The following CSNK1G1 variants were observed in gnomAD, a reference collection of about 807,000 sequenced individuals.
The protein encoded by CSNK1G1 is casein kinase 1 gamma 1.
CSNK1G1 carries 22 observed loss-of-function variants against 59.6 expected under a neutral mutation model. That is an observed-to-expected ratio of 0.37 (90% CI 0.26 to 0.53). The LOEUF is 0.53. Among genes scored for constraint, CSNK1G1 ranks in the 20% least tolerant of loss-of-function variants. The probability of loss-of-function intolerance (pLI) is 0.89; values close to 1 mark genes in which losing one functional copy is unlikely to be tolerated. For missense variants in CSNK1G1, 384 were observed against 519.5 expected (o/e 0.74, Z 2.54); for synonymous variants, 179 against 177.1 (o/e 1.01, Z -0.08).
At chr15:64,263,402 T>C (rs1566924829) in intron 2 of CSNK1G1, among the ~76,000 whole-genome samples, 1 of 152,022 alleles carries the variant, frequency 6.6e-6, no homozygotes, top group Non-Finnish European at 1.5e-5. Flanking sequence ...TTGGCCAGGA[T>C]GGGCTCGATC....
At chr15:64,239,103 C>G (rs1166463813) in intron 4 of CSNK1G1, among the ~76,000 whole-genome samples, 1 of 152,188 alleles carries the variant, frequency 6.6e-6, no homozygotes, top group Non-Finnish European at 1.5e-5. Flanking sequence ...AGATTCATCA[C>G]ACTCTTCCCA....
chr15:64,215,204 CTTTTTTTTTTTTTTTT>C (rs11343127), intron 5 of CSNK1G1, among the ~76,000 whole-genome samples: 2 of 81,728 alleles, frequency 2.4e-5, no homozygotes, highest in South Asian at 1.2e-3. Context: ...TTTCTACTAA[CTTTTTTTTTTTTTTTT>C]TTTTTTTTTT....
chr15:64,344,033 T>C (rs1237893645), intron 1 of CSNK1G1, among the ~76,000 whole-genome samples: 1 of 151,950 alleles, frequency 6.6e-6, no homozygotes, highest in Non-Finnish European at 1.5e-5. Context: ...GCCCCTTCCT[T>C]CCCCAATAAA....
chr15:64,309,848 G>A (rs1244520388), intron 1 of CSNK1G1, among the ~76,000 whole-genome samples: 1 of 152,148 alleles, frequency 6.6e-6, no homozygotes, highest in Non-Finnish European at 1.5e-5. Flanking sequence ...GGTGGCTCAT[G>A]CCTATAATCC....
intron 2 of CSNK1G1, among the ~76,000 whole-genome samples, chr15:64,288,092 G>C (rs1894525043): frequency 6.6e-6 from 1 of 151,946 alleles, no homozygotes; most frequent in African/African-American, 2.4e-5. Flanking sequence ...TGTTGGACTT[G>C]AGGAAAAAAA....
At chr15:64,234,184 C>T (rs2082584981) in intron 4 of CSNK1G1, among the ~76,000 whole-genome samples, 2 of 152,126 alleles carry the variant, frequency 1.3e-5, no homozygotes, top group South Asian at 4.1e-4. Context: ...GACATTAGTG[C>T]TGCTCAGATA....
chr15:64,306,984 G>T (rs148072427), intron 1 of CSNK1G1, among the ~76,000 whole-genome samples: 3 of 126,288 alleles, frequency 2.4e-5, no homozygotes, highest in African/African-American at 8.6e-5. Flanking sequence ...TGGGTGGGGA[G>T]GGGGGCGGGT....
intron 1 of CSNK1G1, among the ~76,000 whole-genome samples, chr15:64,331,766 G>A (rs889948952): frequency 3.3e-5 from 5 of 149,318 alleles, no homozygotes; most frequent in East Asian, 4.0e-4. Context: ...GAAAATTTTC[G>A]CAACCTACTC....
In CSNK1G1 at chr15:64,210,589, G is replaced by GTT. The variant is rs1164251562; in HGVS notation, c.680-2997_680-2996dup. On this transcript the variant is annotated intron_variant, in intron 6 of 11. Transcript: ENST00000303052. The surrounding 1 kb of genome is among the most constrained non-coding windows in gnomAD (Gnocchi z 4.2). ...TCATCCAATCAGAAAGATGTGCTTG[G>GTT]TTTACATGCATAACATCCCTGATTT... is the stretch of plus-strand genomic sequence containing the variant. Among the ~76,000 whole-genome samples, 2 of 152,150 alleles carry GTT rather than the reference G, an allele frequency of 1.3e-5. No individual in the cohort carries two copies. The highest frequency in any genetic ancestry group is 6.5e-5 in the Admixed American group (1 of 15,278).
At chr15:64,334,012 C>T (rs1249082110) in intron 1 of CSNK1G1, among the ~76,000 whole-genome samples, 1 of 152,158 alleles carries the variant, frequency 6.6e-6, no homozygotes, top group Admixed American at 6.6e-5. Context: ...CTAGATAGAT[C>T]TTAGAGACAC....
chr15:64,191,501 T>C (rs1006487284), intron 10 of CSNK1G1, among the ~76,000 whole-genome samples: 3 of 152,356 alleles, frequency 2.0e-5, no homozygotes, highest in South Asian at 2.1e-4. Flanking sequence ...ATAAGAACTC[T>C]GGTTTTATGC....
chr15:64,201,802 A>G (rs569978410), intron 10 of CSNK1G1, among the ~76,000 whole-genome samples: 1 of 149,118 alleles, frequency 6.7e-6, no homozygotes, highest in Non-Finnish European at 1.5e-5. Flanking sequence ...CTATGAAATA[A>G]ATGTTTTTGT....
intron 4 of CSNK1G1, among the ~76,000 whole-genome samples, chr15:64,249,982 C>T (rs1176735890): frequency 6.6e-6 from 1 of 152,210 alleles, no homozygotes; most frequent in South Asian, 2.1e-4. Flanking sequence ...CTGGATTAAG[C>T]ATGTTGTTAC....
intron 1 of CSNK1G1, among the ~76,000 whole-genome samples, chr15:64,337,731 A>G (rs1217495378): frequency 2.6e-5 from 4 of 152,156 alleles, no homozygotes; most frequent in African/African-American, 7.2e-5. Context: ...ATTGTGTAAC[A>G]GTCTCCAGTA....
chr15:64,250,711 C>T (rs542593390), intron 4 of CSNK1G1, among the ~76,000 whole-genome samples: 2 of 152,052 alleles, frequency 1.3e-5, no homozygotes, highest in African/African-American at 4.8e-5. Flanking sequence ...TGCCACTGCA[C>T]TCCAGTCTGG....
At chr15:64,265,512 C>T (rs1178122083) in intron 2 of CSNK1G1, among the ~76,000 whole-genome samples, 3 of 152,156 alleles carry the variant, frequency 2.0e-5, no homozygotes, top group Admixed American at 2.0e-4. Flanking sequence ...TCCTCCTTTG[C>T]TTTCTGCCAT....
At chr15:64,255,855 A>C (rs1892346409) in intron 3 of CSNK1G1, among the ~76,000 whole-genome samples, 1 of 150,160 alleles carries the variant, frequency 6.7e-6, no homozygotes, top group Non-Finnish European at 1.5e-5. Context: ...TTCAGGCCAG[A>C]CTGGAATGTT....
intron 1 of CSNK1G1, among the ~76,000 whole-genome samples, chr15:64,350,406 CAGG>C (rs1401120358): frequency 6.6e-6 from 1 of 151,780 alleles, no homozygotes; most frequent in Non-Finnish European, 1.5e-5. Flanking sequence ...GAGGCTGAGG[CAGG>C]AGAATGGCGT....
At position 64,225,696 on chromosome 15, in the gene CSNK1G1, G is replaced by A. The variant is rs760070596; in HGVS notation, c.293-8983C>T. On this transcript the variant is annotated intron_variant, in intron 4 of 11. Transcript: ENST00000303052. ...GGCTGGAGTGCAATGGCGTGATCTC[G>A]GCTCACTGCAACCTCTGCCTCCCAA... Among the ~76,000 whole-genome samples, 4 of 152,118 alleles carry A rather than the reference G, an allele frequency of 2.6e-5. No homozygotes were observed. In the East Asian group the frequency reaches 7.7e-4, roughly 29 times the overall value.
Sources: allele counts gnomAD v4.1 joint callset (sites outside exome capture counted in the v4.1 genomes callset), GRCh38; gene constraint gnomAD v4.1.1; non-coding constraint Gnocchi (gnomAD v3.1); transcripts MANE v1.5; gene names NCBI Gene and HGNC (gene_info 2026-07-23, HGNC 2026-07-21).